The following ZNF385D variants were observed in gnomAD, a reference collection of about 807,000 sequenced individuals.
ZNF385D encodes zinc finger protein 659.
ZNF385D carries 15 observed loss-of-function variants against 35.8 expected under a neutral mutation model. The ratio of observed to expected loss-of-function variants is 0.42; its 90% confidence interval spans 0.28 to 0.64. The LOEUF is 0.64. Among genes scored for constraint, ZNF385D ranks in the 30% least tolerant of loss-of-function variants. ZNF385D has a pLI of 0.23. For synonymous variants in ZNF385D, 212 were observed against 186.8 expected, an observed-to-expected ratio of 1.13 and a Z score of -1.10; for missense variants, 474 against 494.6, an observed-to-expected ratio of 0.96 and a Z score of 0.39.
chr3:22,015,577 C>T (rs977512510), intron 3 of ZNF385D, among the ~76,000 whole-genome samples: 2 of 152,092 alleles, frequency 1.3e-5, no homozygotes, highest in South Asian at 2.1e-4. Flanking sequence ...CTTGTACCCA[C>T]ATCTCTCAGT....
chr3:21,463,009 C>A (rs1268568215), intron 4 of ZNF385D, among the ~76,000 whole-genome samples: 17 of 151,544 alleles, frequency 1.1e-4, no homozygotes, highest in Admixed American at 9.2e-4. Context: ...AACAAACAAA[C>A]AAAAAACCTA....
chr3:21,560,920 T>A (rs1041592022), intron 3 of ZNF385D, among the ~76,000 whole-genome samples: 5 of 152,140 alleles, frequency 3.3e-5, no homozygotes, highest in Non-Finnish European at 7.4e-5. Context: ...CTCAGTTCGA[T>A]CTTCCTGGTG....
rs745932729 is a variant in ZNF385D at position 21,757,132 on chromosome 3, TTTTTTTTG to T, written c.326-92112_326-92105del. ...ATGATAAATTTCTCTTTTTTTTTTT[TTTTTTTTG>T]TTTTCTTGAGATGGTGTCTCACTCT... On this transcript the variant is annotated intron_variant, in intron 3 of 5. Transcript: ENST00000494108. Among the ~76,000 whole-genome samples the T allele has an allele frequency of 7.2e-3, 954 of 132,644 alleles. 5 individuals carry two copies. Among genetic ancestry groups the T allele is most frequent in the Non-Finnish European group, 0.012 (764 of 62,092 alleles). 87.0% of individuals were successfully genotyped at this position (132,644 alleles called of 152,430 possible).
At chr3:21,578,623 G>T (rs2063562446) in intron 2 of ZNF385D, among the ~76,000 whole-genome samples, 1 of 152,014 alleles carries the variant, frequency 6.6e-6, no homozygotes, top group South Asian at 2.1e-4. Flanking sequence ...TGGTGCCTTT[G>T]TCAAAAATTA....
rs140318820 is a variant in ZNF385D at position 21,531,866 on chromosome 3, C to T, written c.277-20843G>A. ...CCCATAGAATATACGACACCAATTA[C>T]GAACCCTAAAGTTAATTGCAGACGT... is the stretch of plus-strand genomic sequence containing the variant. On this transcript the variant is annotated intron_variant, in intron 3 of 7. Coordinates refer to ENST00000281523, the MANE Select transcript of ZNF385D (RefSeq NM_024697.3). Among the ~76,000 whole-genome samples the T allele has an allele frequency of 2.6e-3, 397 of 152,278 alleles. 3 individuals carry two copies. The highest frequency in any genetic ancestry group is 9.2e-3 in the African/African-American group (383 of 41,558).
chr3:21,598,115 A>G (rs1227760576), intron 2 of ZNF385D, among the ~76,000 whole-genome samples: 1 of 152,214 alleles, frequency 6.6e-6, no homozygotes, highest in Non-Finnish European at 1.5e-5. Flanking sequence ...ATCATTTATC[A>G]TAGGAGATAA....
chr3:21,670,814 A>G (rs2066554801), intron 1 of ZNF385D, among the ~76,000 whole-genome samples: 1 of 151,356 alleles, frequency 6.6e-6, no homozygotes, highest in Non-Finnish European at 1.5e-5. Flanking sequence ...TTTCTTCCTT[A>G]TGGGCTAACC....
intron 3 of ZNF385D, among the ~76,000 whole-genome samples, chr3:21,881,845 C>A (rs1050016297): frequency 6.6e-5 from 10 of 151,876 alleles, no homozygotes; most frequent in Admixed American, 5.3e-4. Flanking sequence ...TGATTCCAAC[C>A]CTCATGGATG....
chr3:22,153,772 A>G (rs1046075406), intron 3 of ZNF385D, among the ~76,000 whole-genome samples: 1 of 151,716 alleles, frequency 6.6e-6, no homozygotes, highest in South Asian at 2.1e-4. Context: ...TTAGCAACGG[A>G]CTCTGCATTT....
chr3:21,582,774 TTC>T (rs772175193), intron 2 of ZNF385D, among the ~76,000 whole-genome samples: 206 of 152,292 alleles, frequency 1.4e-3, no homozygotes, highest in Non-Finnish European at 2.0e-3. Context: ...TATTTATTCA[TTC>T]ATTCATTCAT....
Position 21,587,311 on chromosome 3 carries a change from G to A in ZNF385D, c.166-22627C>T, listed in dbSNP as rs182026212. On this transcript the variant is annotated intron_variant, in intron 2 of 7. Transcript: ENST00000281523. ...TGGAGTTAAAAAGACAAGAAGTTTCGTTTTGTAATAGTCCAGCTGAAAAAT... is the reference window on the plus strand; with the variant it reads ...TGGAGTTAAAAAGACAAGAAGTTTCATTTTGTAATAGTCCAGCTGAAAAAT... Among the ~76,000 whole-genome samples the A allele has an allele frequency of 3.3e-5, 5 of 152,230 alleles. No homozygotes were observed. In the East Asian group the frequency reaches 5.8e-4, roughly 18 times the overall value.
At chr3:21,512,597 C>G (rs1296744239) in intron 3 of ZNF385D, among the ~76,000 whole-genome samples, 1 of 152,168 alleles carries the variant, frequency 6.6e-6, no homozygotes, top group Admixed American at 6.5e-5. Flanking sequence ...ATATTAGAAA[C>G]AGTTTGAACA....
chr3:21,495,477 C>T (rs750405580), intron 4 of ZNF385D, among the ~76,000 whole-genome samples: 22 of 152,080 alleles, frequency 1.4e-4, no homozygotes, highest in Admixed American at 6.6e-5. Flanking sequence ...GAAATTAAGG[C>T]AGAAATCAAG....
intron 3 of ZNF385D, among the ~76,000 whole-genome samples, chr3:21,805,203 T>C (rs545029073): frequency 3.9e-5 from 6 of 152,360 alleles, no homozygotes; most frequent in South Asian, 2.1e-4. Flanking sequence ...GTCTGTTGTA[T>C]AGCATTGAAA....
intron 3 of ZNF385D, among the ~76,000 whole-genome samples, chr3:22,038,749 T>C (rs536482050): frequency 3.2e-4 from 49 of 152,094 alleles, no homozygotes; most frequent in African/African-American, 9.9e-4. Context: ...GTTAAGATTA[T>C]AGATTTCATA....
At chr3:21,841,106 C>G (rs923859957) in intron 3 of ZNF385D, among the ~76,000 whole-genome samples, 2 of 151,992 alleles carry the variant, frequency 1.3e-5, no homozygotes, top group African/African-American at 4.8e-5. Flanking sequence ...GGCAATGAAG[C>G]AAGGACATTC....
intron 3 of ZNF385D, among the ~76,000 whole-genome samples, chr3:22,082,232 C>G (rs1002883594): frequency 3.3e-5 from 5 of 152,078 alleles, no homozygotes; most frequent in African/African-American, 1.2e-4. Context: ...GGAGGGTGAG[C>G]TGAAGCAGGG....
intron 3 of ZNF385D, among the ~76,000 whole-genome samples, chr3:22,106,440 T>G (rs533358749): frequency 6.6e-6 from 1 of 152,296 alleles, no homozygotes; most frequent in Admixed American, 6.5e-5. Flanking sequence ...TCTCATACAA[T>G]ACAGAGTACC....
chr3:22,320,565 G>A (rs961540770), intron 2 of ZNF385D, among the ~76,000 whole-genome samples: 1 of 150,160 alleles, frequency 6.7e-6, no homozygotes, highest in African/African-American at 2.5e-5. Context: ...TGTATACATA[G>A]ATAAGTATGT....
Sources: gnomAD v4.1 joint callset for allele counts (sites outside exome capture counted in the v4.1 genomes callset) on GRCh38, gnomAD v4.1.1 for gene constraint, MANE v1.5 for transcripts, NCBI Gene and HGNC (gene_info 2026-07-23, HGNC 2026-07-21) for gene names.